The following TMX3 variants were observed in gnomAD, a reference collection of about 807,000 sequenced individuals.
The protein encoded by TMX3 is thioredoxin related transmembrane protein 3.
In TMX3, 40 loss-of-function variants were observed where a neutral mutation model predicts 64.4. That is an observed-to-expected ratio of 0.62 (90% CI 0.48 to 0.81). The LOEUF is 0.81. Ranked by LOEUF, TMX3 falls within the 30% of genes least tolerant of loss-of-function variation. TMX3 has a pLI of 0.00. For synonymous variants in TMX3, 189 were observed against 175.7 expected, an observed-to-expected ratio of 1.08 and a Z score of -0.60; for missense variants, 497 against 534.5, an observed-to-expected ratio of 0.93 and a Z score of 0.69.
At chr18:68,708,672 A>G (rs965159925) in intron 4 of TMX3, among the ~76,000 whole-genome samples, 2 of 152,164 alleles carry the variant, frequency 1.3e-5, no homozygotes, top group Non-Finnish European at 2.9e-5. Context: ...AGCTGCTGAC[A>G]AAATTATTTT....
At chr18:68,682,707 A>ATT (rs1568180319) in intron 13 of TMX3, among the ~76,000 whole-genome samples, 1 of 140,022 alleles carries the variant, frequency 7.1e-6, no homozygotes, top group African/African-American at 3.1e-5. Context: ...ATCAGGAGAT[A>ATT]ATTTTTTTTT....
chr18:68,712,497 T>C (rs113597070), intron 2 of TMX3, among the ~76,000 whole-genome samples: 1 of 152,186 alleles, frequency 6.6e-6, no homozygotes, highest in African/African-American at 2.4e-5. Flanking sequence ...CTGCTTGCTC[T>C]GGAGCAAGGA....
chr18:68,700,886 C>T, intron 5 of TMX3: 2 of 801,146 alleles, frequency 2.5e-6, no homozygotes, highest in South Asian at 5.2e-5. Context: ...AAATGTTAAG[C>T]AATACAACAT....
chr18:68,684,954 G>A (rs1367057454), intron 10 of TMX3, among the ~76,000 whole-genome samples: 2 of 152,140 alleles, frequency 1.3e-5, no homozygotes, highest in Non-Finnish European at 2.9e-5. Flanking sequence ...GTTGACTTTG[G>A]TACCATGGTT....
intron 7 of TMX3, 59 bp from the exon 8 acceptor site, chr18:68,697,362 C>T: frequency 4.3e-6 from 4 of 925,004 alleles, no homozygotes; most frequent in Non-Finnish European, 6.6e-6. Context: ...AAAATTCATT[C>T]CTCATTAAAC....
rs947751051 is a variant in TMX3, at chr18:68,674,569, CTTA to C, written c.*2361_*2363del. 1.1e-4 allele frequency: 17 copies of C among 152,074 alleles called. No individual in the cohort carries two copies. Among genetic ancestry groups the C allele is most frequent in the African/African-American group, 2.4e-5 (1 of 41,416 alleles). The allele number at this position is 152,074 out of a possible 1,614,324, so 9.4% of individuals were successfully genotyped here. On this transcript the variant is annotated 3_prime_UTR_variant, in exon 16 of 16. Transcript: ENST00000299608. Reference sequence around the variant, plus strand: ...TACCTATGTTCTTCCACTAGATTCACTTATTAAGAGATCTGTCTTTATATGGAA... The same window carrying C: ...TACCTATGTTCTTCCACTAGATTCACTTAAGAGATCTGTCTTTATATGGAA...
At chr18:68,689,970 T>C (rs541930726) in intron 9 of TMX3, 1 of 152,324 alleles carries the variant, frequency 6.6e-6, no homozygotes, top group East Asian at 1.9e-4. Context: ...AGCATAAGTG[T>C]GTAGTTATTA....
intron 4 of TMX3, among the ~76,000 whole-genome samples, chr18:68,707,495 A>C (rs2030793765): frequency 1.3e-5 from 2 of 152,222 alleles, no homozygotes; most frequent in Admixed American, 1.3e-4. Context: ...GAATAAACTA[A>C]TGAATTAGAT....
intron 1 of TMX3, 24 bp from the exon 2 acceptor site, chr18:68,713,924 C>T (rs2031596975): frequency 6.6e-7 from 1 of 1,515,788 alleles, no homozygotes; most frequent in South Asian, 1.2e-5. Flanking sequence ...ACAAAATGTA[C>T]ACAATAAATG....
chr18:68,711,031 C>G (rs1172693612), intron 3 of TMX3, among the ~76,000 whole-genome samples: 1 of 152,108 alleles, frequency 6.6e-6, no homozygotes, highest in Non-Finnish European at 1.5e-5. Context: ...TGGAAACTAT[C>G]AAGAAAGCAA....
intron 12 of TMX3, among the ~76,000 whole-genome samples, 153 bp downstream of exon 12, chr18:68,684,029 GTCTTGGAA>G (rs1291203203): frequency 6.6e-6 from 1 of 152,070 alleles, no homozygotes; most frequent in East Asian, 1.9e-4. Context: ...CCCACTGGGG[GTCTTGGAA>G]TGTATCTCCT....
At chr18:68,686,340 C>T (rs1284242287) in intron 10 of TMX3, among the ~76,000 whole-genome samples, 1 of 152,174 alleles carries the variant, frequency 6.6e-6, no homozygotes, top group Non-Finnish European at 1.5e-5. Context: ...CAAGGTCATG[C>T]TATTTCCTAT....
chr18:68,698,867 A>C (rs1448328726), intron 6 of TMX3, among the ~76,000 whole-genome samples: 1,665 of 75,682 alleles, frequency 0.022, 12 homozygotes, highest in Non-Finnish European at 0.027. Flanking sequence ...ATACAAAAAA[A>C]AAAAATTAGC....
chr18:68,692,499 C>T (rs1165518823), intron 8 of TMX3, among the ~76,000 whole-genome samples: 3 of 152,120 alleles, frequency 2.0e-5, no homozygotes, highest in African/African-American at 7.2e-5. Context: ...TACCCCCTTA[C>T]TGCATCTCCT....
intron 6 of TMX3, among the ~76,000 whole-genome samples, chr18:68,698,882 C>CATG (rs1568194303): frequency 4.1e-5 from 6 of 145,350 alleles, no homozygotes; most frequent in African/African-American, 1.2e-4. Flanking sequence ...ATTAGCCGGG[C>CATG]GTGGTAGCGG....
intron 4 of TMX3, among the ~76,000 whole-genome samples, chr18:68,708,068 T>C (rs2030902832): frequency 6.6e-6 from 1 of 151,118 alleles, no homozygotes; most frequent in East Asian, 2.0e-4. Context: ...TATATATATG[T>C]GTATATGTGT....
intron 10 of TMX3, among the ~76,000 whole-genome samples, chr18:68,685,907 AAAGT>A (rs557566732): frequency 2.7e-4 from 41 of 152,356 alleles, no homozygotes; most frequent in African/African-American, 9.9e-4. Context: ...AGCAAAGAAA[AAAGT>A]ATGTAAAAAC....
intron 8 of TMX3, among the ~76,000 whole-genome samples, chr18:68,695,735 G>A (rs181248356): frequency 2.3e-3 from 350 of 152,206 alleles, no homozygotes; most frequent in African/African-American, 8.0e-3. Context: ...TTAGATTACC[G>A]CAAAAGTTCA....
chr18:68,693,816 G>A (rs746405554), intron 8 of TMX3, among the ~76,000 whole-genome samples: 70 of 152,168 alleles, frequency 4.6e-4, no homozygotes, highest in Non-Finnish European at 9.3e-4. Context: ...AGTTCTGGGT[G>A]AAGTCCACGG....
Sources: gnomAD v4.1 joint callset for allele counts (sites outside exome capture counted in the v4.1 genomes callset) on GRCh38, gnomAD v4.1.1 for gene constraint, MANE v1.5 for transcripts, NCBI Gene and HGNC (gene_info 2026-07-23, HGNC 2026-07-21) for gene names.